DTNA: variants seen among roughly 807,000 people sequenced by gnomAD.
The protein encoded by DTNA is dystrophin-related protein 3.
In DTNA, 43 loss-of-function variants were observed where a neutral mutation model predicts 100.7. The observed-to-expected ratio is 0.43, with a 90% CI of 0.33 to 0.55. DTNA has a LOEUF of 0.55. Ranked by LOEUF, DTNA falls within the 20% of genes least tolerant of loss-of-function variation. DTNA has a pLI of 0.04. For missense variants in DTNA, 798 were observed against 953.9 expected, an observed-to-expected ratio of 0.84 and a Z score of 2.15; for synonymous variants, 349 against 347.9, an observed-to-expected ratio of 1.00 and a Z score of -0.04.
At chr18:34,574,651 T>G (rs2047937432) in intron 1 of DTNA, 1 of 152,190 alleles carries the variant, frequency 6.6e-6, no homozygotes, top group South Asian at 2.1e-4. Flanking sequence ...ATTATTATTA[T>G]TTTAACAGTC....
chr18:34,560,165 TTAGA>T (rs1177188159), intron 1 of DTNA, among the ~76,000 whole-genome samples: 2 of 152,194 alleles, frequency 1.3e-5, no homozygotes, highest in African/African-American at 4.8e-5. Flanking sequence ...CCTCTCTGGG[TTAGA>T]TACCTTTTTG....
chr18:34,504,376 C>T (rs2144701194), intron 1 of DTNA, among the ~76,000 whole-genome samples: 1 of 152,280 alleles, frequency 6.6e-6, no homozygotes, highest in African/African-American at 2.4e-5. Flanking sequence ...ATTTTTGCTT[C>T]AACAAGCAAA....
chr18:34,603,759 T>A (rs1598926262), intron 1 of DTNA, among the ~76,000 whole-genome samples: 2 of 152,320 alleles, frequency 1.3e-5, no homozygotes, highest in African/African-American at 4.8e-5. Context: ...TAGAATATGA[T>A]CACACATCGT....
chr18:34,708,090 T>G (rs1433227110), upstream of DTNA: 1 of 152,232 alleles, frequency 6.6e-6, no homozygotes, highest in Non-Finnish European at 1.5e-5. Flanking sequence ...CACAGGCTTT[T>G]TTAACCCCTG....
chr18:34,678,606 G>A (rs549046150), intron 1 of DTNA, among the ~76,000 whole-genome samples: 2 of 152,192 alleles, frequency 1.3e-5, no homozygotes, highest in South Asian at 2.1e-4. Context: ...ATAGTAACAC[G>A]CAGCCTGTGT....
chr18:34,681,158 C>T (rs749609614), intron 1 of DTNA, among the ~76,000 whole-genome samples: 36 of 152,142 alleles, frequency 2.4e-4, no homozygotes, highest in Non-Finnish European at 1.8e-4. Context: ...TAAAGTTCAT[C>T]ATTTTAAATA....
At chr18:34,636,134 G>A (rs1488198430) in intron 1 of DTNA, among the ~76,000 whole-genome samples, 1 of 152,128 alleles carries the variant, frequency 6.6e-6, no homozygotes, top group East Asian at 1.9e-4. Context: ...ATATATTTGA[G>A]GGTGATATTT....
At chr18:34,561,305 A>G (rs1361981180) in intron 1 of DTNA, among the ~76,000 whole-genome samples, 2 of 152,202 alleles carry the variant, frequency 1.3e-5, no homozygotes, top group African/African-American at 4.8e-5. Context: ...GAAATTTATA[A>G]TACTATCATT....
In DTNA at chr18:34,869,807, G is replaced by A. The variant is rs111865328; in HGVS notation, c.1744-5432G>A. ...GAGGCCGAGGCAGGCAGATCACAAG[G>A]TCAGGAGATCGAGACCATCCCGGCT... On this transcript the variant is annotated intron_variant, in intron 17 of 22. Transcript: ENST00000444659. Among the ~76,000 whole-genome samples the A allele has an allele frequency of 9.8e-3, 1,491 of 152,296 alleles. 33 individuals carry two copies. The highest frequency in any genetic ancestry group is 0.034 in the African/African-American group (1,432 of 41,558).
intron 1 of DTNA, among the ~76,000 whole-genome samples, chr18:34,722,825 T>C (rs1375378749): frequency 6.6e-6 from 1 of 152,354 alleles, no homozygotes; most frequent in South Asian, 2.1e-4. Flanking sequence ...CATACTTTTT[T>C]GGTCTGGTTT....
At chr18:34,540,650 C>T (rs1020174412) in intron 1 of DTNA, among the ~76,000 whole-genome samples, 2 of 151,972 alleles carry the variant, frequency 1.3e-5, no homozygotes, top group African/African-American at 4.8e-5. Flanking sequence ...AGAAGAAGAT[C>T]TGTGGGAAGT....
chr18:34,798,107 C>A (rs1184672587), intron 4 of DTNA, among the ~76,000 whole-genome samples: 1 of 152,164 alleles, frequency 6.6e-6, no homozygotes, highest in Non-Finnish European at 1.5e-5. Flanking sequence ...TAGAGCAATT[C>A]TTGTGCCTCA....
At chr18:34,724,114 G>A (rs2086028696) in intron 1 of DTNA, among the ~76,000 whole-genome samples, 1 of 152,160 alleles carries the variant, frequency 6.6e-6, no homozygotes. Flanking sequence ...TATTGGTGGT[G>A]AAATATAAAT....
chr18:34,854,177 G>A (rs1003631822), intron 15 of DTNA, among the ~76,000 whole-genome samples: 1 of 152,162 alleles, frequency 6.6e-6, no homozygotes, highest in Non-Finnish European at 1.5e-5. Context: ...GTCCTCAAAT[G>A]TACTGATACT....
At chr18:34,811,932 T>C in intron 5 of DTNA, 27 bp from the exon 6 acceptor site, 1 of 1,613,462 alleles carries the variant, frequency 6.2e-7, no homozygotes, top group Non-Finnish European at 8.5e-7. Context: ...ATGTGATGAA[T>C]AATATCTTTC....
chr18:34,735,963 C>G (rs1002749573), intron 1 of DTNA, among the ~76,000 whole-genome samples: 1 of 152,312 alleles, frequency 6.6e-6, no homozygotes, highest in African/African-American at 2.4e-5. Flanking sequence ...AACTCACCCC[C>G]AGAGACACCA....
chr18:34,530,741 A>C (rs1272588400), intron 1 of DTNA, among the ~76,000 whole-genome samples: 1 of 152,112 alleles, frequency 6.6e-6, no homozygotes, highest in Non-Finnish European at 1.5e-5. Context: ...AGATTGCTTG[A>C]AGTCACACTA....
chr18:34,541,793 G>A (rs1225130113), intron 1 of DTNA, among the ~76,000 whole-genome samples: 2 of 152,066 alleles, frequency 1.3e-5, no homozygotes, highest in Non-Finnish European at 2.9e-5. Flanking sequence ...AAGATATCCA[G>A]AGAAATGTGA....
chr18:34,546,334 G>A (rs548072256), intron 1 of DTNA, among the ~76,000 whole-genome samples: 1 of 152,090 alleles, frequency 6.6e-6, no homozygotes, highest in Non-Finnish European at 1.5e-5. Context: ...CTCTGGGTCA[G>A]TAAAGCTGGC....
Sources: allele counts gnomAD v4.1 joint callset (sites outside exome capture counted in the v4.1 genomes callset), GRCh38; gene constraint gnomAD v4.1.1; transcripts MANE v1.5; gene names NCBI Gene and HGNC (gene_info 2026-07-23, HGNC 2026-07-21).